The following LRCH1 variants were observed in gnomAD, a reference collection of about 807,000 sequenced individuals.
The protein encoded by LRCH1 is leucine rich repeats and calponin homology domain containing 1.
In LRCH1, 23 loss-of-function variants were observed where a neutral mutation model predicts 94.9. The ratio of observed to expected loss-of-function variants is 0.24; its 90% CI spans 0.17 to 0.34. The LOEUF (loss-of-function observed/expected upper bound fraction) is 0.34. LRCH1 is among the 10% of genes least tolerant of loss of function. The pLI, the probability that LRCH1 is intolerant of heterozygous loss-of-function variation, is 1.00. For synonymous variants in LRCH1, 364 were observed against 354.9 expected (o/e 1.03, Z -0.29); for missense variants, 790 against 945.9 (o/e 0.84, Z 2.16).
At chr13:46,585,230 T>G (rs2137949689) in intron 1 of LRCH1, among the ~76,000 whole-genome samples, 1 of 152,294 alleles carries the variant, frequency 6.6e-6, no homozygotes, top group Non-Finnish European at 1.5e-5. Context: ...AGTCTACTTG[T>G]TAAGTAAGAT....
At chr13:46,625,344 C>A (rs1479080469) in intron 1 of LRCH1, among the ~76,000 whole-genome samples, 1 of 152,208 alleles carries the variant, frequency 6.6e-6, no homozygotes, top group Admixed American at 6.5e-5. Flanking sequence ...GTCCCCCCAC[C>A]CCAACTCATA....
chr13:46,671,357 C>T (rs1197169841), intron 3 of LRCH1, among the ~76,000 whole-genome samples: 1 of 152,244 alleles, frequency 6.6e-6, no homozygotes, highest in African/African-American at 2.4e-5. Context: ...CCAGCTCCCC[C>T]CACACCCTGA....
intron 7 of LRCH1, among the ~76,000 whole-genome samples, chr13:46,691,740 A>G (rs1412817552): frequency 6.6e-6 from 1 of 152,138 alleles, no homozygotes; most frequent in Non-Finnish European, 1.5e-5. Context: ...GCCAGGCTGG[A>G]GTGCAGTGGC....
At chr13:46,587,305 C>T (rs1002151948) in intron 1 of LRCH1, among the ~76,000 whole-genome samples, 20 of 152,302 alleles carry the variant, frequency 1.3e-4, no homozygotes, top group African/African-American at 4.8e-4. Flanking sequence ...TGTATGCCAT[C>T]TGCAAGAGCC....
At chr13:46,626,480 T>G (rs2050951381) in intron 1 of LRCH1, among the ~76,000 whole-genome samples, 1 of 152,272 alleles carries the variant, frequency 6.6e-6, no homozygotes, top group Non-Finnish European at 1.5e-5. Flanking sequence ...GAAGGTACTT[T>G]GTAATTCTCC....
At chr13:46,563,564 A>G (rs17068380) in intron 1 of LRCH1, among the ~76,000 whole-genome samples, 4,219 of 152,332 alleles carry the variant, frequency 0.028, 183 homozygotes, top group African/African-American at 0.097. Context: ...AACAACAGCT[A>G]ACATTAGCAA....
At position 46,669,189 on chromosome 13, in the gene LRCH1, G is replaced by A. The variant is rs1439522371; in HGVS notation, c.579+33G>A. 5 of 1,609,386 alleles carry A rather than the reference G, an allele frequency of 3.1e-6. No individual in the cohort carries two copies. In the South Asian group the frequency reaches 5.5e-5, roughly 18 times the overall value. On this transcript the variant is annotated intron_variant, in intron 3 of 19. Coordinates refer to ENST00000389797, the MANE Select transcript of LRCH1 (RefSeq NM_001164211.2). Reference sequence around the variant, plus strand: ...ACCGATTTTTAAGATGCTCTTTTTTGTTGGTTGACTGATCATAGCCTCTCA... The same window carrying A: ...ACCGATTTTTAAGATGCTCTTTTTTATTGGTTGACTGATCATAGCCTCTCA...
chr13:46,666,548 G>A (rs772043944), intron 2 of LRCH1, among the ~76,000 whole-genome samples: 25 of 152,296 alleles, frequency 1.6e-4, no homozygotes, highest in Non-Finnish European at 3.2e-4. Flanking sequence ...TGTTAACTCT[G>A]CTAAAAATAG....
chr13:46,676,769 A>G (rs4942570), intron 3 of LRCH1, among the ~76,000 whole-genome samples: 116,813 of 152,022 alleles, frequency 0.77, 45,058 homozygotes, highest in East Asian at 0.9. Flanking sequence ...CAGTATTTAT[A>G]TTGTTTTTCT....
intron 1 of LRCH1, among the ~76,000 whole-genome samples, chr13:46,648,124 A>G (rs967378347): frequency 1.3e-5 from 2 of 152,186 alleles, no homozygotes; most frequent in Admixed American, 6.5e-5. Flanking sequence ...AGAAGGTCCC[A>G]TCTGAGGGGG....
At chr13:46,652,055 G>T (rs1187667376) in intron 2 of LRCH1, among the ~76,000 whole-genome samples, 14 of 56,036 alleles carry the variant, frequency 2.5e-4, no homozygotes, top group Admixed American at 3.5e-4. Context: ...GCCTGCTGAT[G>T]TTTTTTTTTT....
Position 46,692,595 on chromosome 13 carries a change from A to G in LRCH1, c.1074A>G (p.Glu358=). 2 of 1,614,118 alleles carry G rather than the reference A, an allele frequency of 1.2e-6. No individual in the cohort carries two copies. The highest frequency in any genetic ancestry group is 2.2e-5 in the South Asian group (2 of 91,092). The change falls in exon 8 of 20, where the codon GAA becomes GAG. Residue 358 remains glutamate (E), a synonymous_variant. Transcript: ENST00000389797. The stretch of plus-strand genomic sequence containing the variant: ...CAATGTCAAACATCATGGAAGAAGA[A>G]CAGATCATCAAGGAGGACTCGTGCC... ...NVPMSNIMEE[E]QIIKEDSCHR...
chr13:46,736,616 G>A (rs909791988), intron 19 of LRCH1, among the ~76,000 whole-genome samples: 2 of 152,112 alleles, frequency 1.3e-5, no homozygotes, highest in African/African-American at 4.8e-5. Flanking sequence ...TAAAAAAAGA[G>A]GACCTATATC....
At chr13:46,653,256 T>C (rs1196198393) in intron 2 of LRCH1, among the ~76,000 whole-genome samples, 1 of 152,216 alleles carries the variant, frequency 6.6e-6, no homozygotes, top group Non-Finnish European at 1.5e-5. Flanking sequence ...ACATGGGTCA[T>C]TCTGTTTTTG....
At chr13:46,667,485 T>C (rs1593337746) in intron 2 of LRCH1, among the ~76,000 whole-genome samples, 1 of 131,394 alleles carries the variant, frequency 7.6e-6, no homozygotes, top group South Asian at 2.5e-4. Flanking sequence ...ATGAGAACAC[T>C]TGGACACAGG....
intron 3 of LRCH1, among the ~76,000 whole-genome samples, chr13:46,680,897 C>T (rs949320794): frequency 2.0e-5 from 3 of 152,152 alleles, no homozygotes; most frequent in African/African-American, 7.2e-5. Context: ...ATCATGATAG[C>T]ACCCAGCTAA....
intron 1 of LRCH1, among the ~76,000 whole-genome samples, chr13:46,643,172 C>G (rs1033021281): frequency 6.6e-6 from 1 of 152,302 alleles, no homozygotes; most frequent in South Asian, 2.1e-4. Context: ...TATTTGGTTG[C>G]CGTTCAAGAC....
At chr13:46,554,685 G>T (rs2050043591) in intron 1 of LRCH1, among the ~76,000 whole-genome samples, 1 of 152,232 alleles carries the variant, frequency 6.6e-6, no homozygotes, top group African/African-American at 2.4e-5. Flanking sequence ...CAGGAAGGAG[G>T]GTGGTGGAAT....
intron 1 of LRCH1, 147 bp downstream of exon 1, chr13:46,553,850 C>T: frequency 2.0e-6 from 3 of 1,466,672 alleles, no homozygotes; most frequent in Non-Finnish European, 9.2e-7. Context: ...AAGGGACTCG[C>T]GTGGGCGCGG....
Sources: allele counts gnomAD v4.1 joint callset (sites outside exome capture counted in the v4.1 genomes callset), GRCh38; gene constraint gnomAD v4.1.1; transcripts MANE v1.5; gene names NCBI Gene and HGNC (gene_info 2026-07-23, HGNC 2026-07-21).